Variants in NCBP1 observed in about 807,000 individuals in gnomAD.
NCBP1 encodes the protein nuclear cap-binding protein subunit 1.
NCBP1 carries 16 observed loss-of-function variants against 111.7 expected under a neutral mutation model. That is an observed-to-expected ratio of 0.14 (90% CI 0.10 to 0.22). The LOEUF is 0.22. Among genes scored for constraint, NCBP1 ranks in the 10% least tolerant of loss-of-function variants. The pLI, the probability that NCBP1 is intolerant of heterozygous loss-of-function variation, is 1.00. For missense variants in NCBP1, 607 were observed against 957.5 expected, an observed-to-expected ratio of 0.63 and a Z score of 4.83; for synonymous variants, 304 against 314.3, an observed-to-expected ratio of 0.97 and a Z score of 0.35.
At chr9:97,669,107 T>G in intron 21 of NCBP1, 133 bp downstream of exon 21, 2 of 1,102,512 alleles carry the variant, frequency 1.8e-6, no homozygotes, top group South Asian at 1.9e-5. Context: ...TACAAAAATT[T>G]AGGAAGGAAA....
At position 97,633,845 on chromosome 9, in the gene NCBP1, C is replaced by T. The variant is rs779487666; in HGVS notation, c.-37C>T. On this transcript the variant is annotated 5_prime_UTR_variant, in exon 1 of 23. Coordinates refer to ENST00000375147, the MANE Select transcript of NCBP1 (RefSeq NM_002486.5). ...CAGACAGTTCCTGCAGCGCTTACCG[C>T]CTGGCCTCTCGGTTCCGCGGCGCAC... 3.2e-6 allele frequency: 5 copies of T among 1,567,662 alleles called. No individual in the cohort carries two copies. The highest frequency in any genetic ancestry group is 4.3e-6 in the Non-Finnish European group (5 of 1,163,668).
At chr9:97,654,813 A>G (rs932772845) in intron 11 of NCBP1, 67 bp from the exon 12 acceptor site, 40 of 1,303,974 alleles carry the variant, frequency 3.1e-5, no homozygotes, top group African/African-American at 4.4e-5. Context: ...TTTTATTTCT[A>G]TTCTTGTCTA....
intron 14 of NCBP1, 97 bp from the exon 15 acceptor site, chr9:97,658,543 C>A: frequency 3.3e-6 from 3 of 905,808 alleles, no homozygotes; most frequent in South Asian, 1.4e-5. Flanking sequence ...CAGCTGAGTT[C>A]AAGTTGTTGG....
chr9:97,655,632 A>T (rs1827630207), intron 12 of NCBP1, 70 bp from the exon 13 acceptor site: 8 of 1,288,036 alleles, frequency 6.2e-6, no homozygotes, highest in Non-Finnish European at 8.8e-6. Flanking sequence ...TTGAAGGCTT[A>T]TATAAGTTTC....
intron 14 of NCBP1, among the ~76,000 whole-genome samples, chr9:97,657,746 C>T (rs933442326): frequency 5.9e-5 from 9 of 151,826 alleles, no homozygotes; most frequent in Non-Finnish European, 1.3e-4. Flanking sequence ...TGTCCTTTCT[C>T]CCCCATTTAT....
chr9:97,655,035 T>G (rs1455435986), intron 12 of NCBP1, 91 bp downstream of exon 12: 2 of 1,158,982 alleles, frequency 1.7e-6, no homozygotes, highest in African/African-American at 1.7e-5. Context: ...TTTAAGAATT[T>G]CCATGTTTAG....
At position 97,637,112 on chromosome 9, in the gene NCBP1, A is replaced by G. The variant is rs189069307; in HGVS notation, c.34+3197A>G. Among the ~76,000 whole-genome samples, 444 of 152,262 alleles carry G rather than the reference A, an allele frequency of 2.9e-3. 2 individuals are homozygous for G. The highest frequency in any genetic ancestry group is 0.01 in the African/African-American group (434 of 41,534). On this transcript the variant is annotated intron_variant, in intron 1 of 22. Coordinates refer to ENST00000375147, the MANE Select transcript of NCBP1 (RefSeq NM_002486.5). ...GGGAAGTTGTAGGAGATAAGATTAG[A>G]GAGATAGCAGAGGGTTGCATCTTAT...
chr9:97,656,606 A>T (rs932054440), intron 14 of NCBP1, among the ~76,000 whole-genome samples: 30 of 152,320 alleles, frequency 2.0e-4, no homozygotes, highest in African/African-American at 7.2e-4. Context: ...ATTTATAGAA[A>T]AGTTGGCACA....
chr9:97,649,153 A>G (rs1488209216), intron 8 of NCBP1, among the ~76,000 whole-genome samples: 2 of 152,238 alleles, frequency 1.3e-5, no homozygotes, highest in African/African-American at 4.8e-5. Context: ...AAAATTCCAA[A>G]GATTAGTCTA....
At chr9:97,654,357 C>T (rs1827583357) in intron 11 of NCBP1, among the ~76,000 whole-genome samples, 1 of 151,882 alleles carries the variant, frequency 6.6e-6, no homozygotes, top group South Asian at 2.1e-4. Flanking sequence ...GATTCCATCT[C>T]AAAAAAACAC....
intron 20 of NCBP1, among the ~76,000 whole-genome samples, chr9:97,667,501 TATGGATATAAAC>T (rs1035672707): frequency 9.9e-5 from 15 of 152,216 alleles, no homozygotes; most frequent in African/African-American, 3.6e-4. Context: ...TGTATACATA[TATGGATATAAAC>T]ACTCAGACCT....
intron 1 of NCBP1, among the ~76,000 whole-genome samples, chr9:97,638,547 G>A: frequency 6.6e-6 from 1 of 152,086 alleles, no homozygotes; most frequent in African/African-American, 2.4e-5. Flanking sequence ...AGATGAGCCA[G>A]AAAGAAGGGA....
In NCBP1 at chr9:97,645,649, T is replaced by G; in HGVS notation, c.528T>G (p.Ser176=). The change falls in exon 6 of 23, where the codon TCT becomes TCG. Residue 176 remains serine, a synonymous_variant. Transcript: ENST00000375147. ...RDWYVYAFLS[S]LPWVGKELYE... is the part of the protein sequence containing the mutation. ...GGTATGTGTATGCATTTCTGTCATC[T>G]TTGCCCTGGGTTGGAAAGGAGTTGT... The G allele has an allele frequency of 6.2e-7, 1 of 1,614,080 alleles. No individual in the cohort carries two copies. The highest frequency in any genetic ancestry group is 8.5e-7 in the Non-Finnish European group (1 of 1,179,944).
At chr9:97,642,381 A>AT (rs549351677) in intron 3 of NCBP1, among the ~76,000 whole-genome samples, 11 of 151,884 alleles carry the variant, frequency 7.2e-5, no homozygotes, top group Non-Finnish European at 1.5e-4. Context: ...CAACACAGGT[A>AT]TTTTTTTTGA....
At chr9:97,656,277 T>G (rs1179716790) in intron 14 of NCBP1, among the ~76,000 whole-genome samples, 192 bp downstream of exon 14, 1 of 152,202 alleles carries the variant, frequency 6.6e-6, no homozygotes, top group East Asian at 1.9e-4. Context: ...TTTAAGCCAA[T>G]AAGTTCTTTT....
intron 5 of NCBP1, 65 bp downstream of exon 5, chr9:97,645,289 C>G (rs1827304369): frequency 8.2e-7 from 1 of 1,219,922 alleles, no homozygotes; most frequent in African/African-American, 1.5e-5. Context: ...CTGGTACTTC[C>G]ATATAGTACC....
At chr9:97,633,949 C>T in intron 1 of NCBP1, 34 bp downstream of exon 1, 4 of 1,564,460 alleles carry the variant, frequency 2.6e-6, no homozygotes, top group Admixed American at 1.8e-5. Context: ...GGAGGCCGCT[C>T]CCGGTTGGGA....
intron 5 of NCBP1, 73 bp downstream of exon 5, chr9:97,645,297 A>C (rs1294311731): frequency 1.3e-5 from 16 of 1,197,830 alleles, no homozygotes; most frequent in Non-Finnish European, 1.8e-5. Flanking sequence ...TCCATATAGT[A>C]CCAGGAATTT....
At chr9:97,640,261 C>A (rs927673555) in intron 1 of NCBP1, among the ~76,000 whole-genome samples, 1 of 152,098 alleles carries the variant, frequency 6.6e-6, no homozygotes, top group African/African-American at 2.4e-5. Context: ...TTGAAGCTTT[C>A]CTCTTTATAG....
Sources: allele counts gnomAD v4.1 joint callset (sites outside exome capture counted in the v4.1 genomes callset), GRCh38; gene constraint gnomAD v4.1.1; transcripts MANE v1.5; gene names NCBI Gene and HGNC (gene_info 2026-07-23, HGNC 2026-07-21).